CHST11: variants seen among roughly 807,000 people sequenced by gnomAD.
CHST11 encodes carbohydrate sulfotransferase 11, also known as C4S-1.
Under a neutral mutation model 30.4 loss-of-function variants are expected in CHST11, and 9 were observed. The ratio of observed to expected loss-of-function variants is 0.30; its 90% CI spans 0.18 to 0.52. CHST11 has a LOEUF of 0.52. CHST11 is among the 20% of genes least tolerant of loss of function. The pLI is 0.97. For missense variants in CHST11, 348 were observed against 460.6 expected, an observed-to-expected ratio of 0.76 and a Z score of 2.24; for synonymous variants, 152 against 187.8, an observed-to-expected ratio of 0.81 and a Z score of 1.56.
intron 1 of CHST11, among the ~76,000 whole-genome samples, chr12:104,522,278 T>A (rs2038081186): frequency 6.6e-6 from 1 of 152,210 alleles, no homozygotes; most frequent in South Asian, 2.1e-4. Context: ...TCAGTATATC[T>A]CACTGAGCCG....
intron 2 of CHST11, among the ~76,000 whole-genome samples, chr12:104,719,552 A>G (rs1333472389): frequency 6.6e-6 from 1 of 152,250 alleles, no homozygotes; most frequent in Non-Finnish European, 1.5e-5. Flanking sequence ...GACTGCAGAC[A>G]CAGCATAACT....
chr12:104,657,357 G>A (rs905210460), intron 2 of CHST11, among the ~76,000 whole-genome samples: 2 of 152,172 alleles, frequency 1.3e-5, no homozygotes, highest in Admixed American at 1.3e-4. Flanking sequence ...GCCTTGCTAT[G>A]TTTAGCTAAT....
intron 2 of CHST11, among the ~76,000 whole-genome samples, chr12:104,688,316 AC>A (rs2136106104): frequency 1.3e-5 from 2 of 151,516 alleles, no homozygotes; most frequent in South Asian, 4.2e-4. Context: ...GACAAGTTGA[AC>A]CTTCACAGCA....
chr12:104,522,292 TA>T (rs2038081440), intron 1 of CHST11, among the ~76,000 whole-genome samples: 2 of 152,318 alleles, frequency 1.3e-5, no homozygotes, highest in African/African-American at 4.8e-5. Context: ...TGAGCCGTGT[TA>T]TTTTTAATCT....
chr12:104,479,846 G>A (rs1480931399), intron 1 of CHST11, among the ~76,000 whole-genome samples: 1 of 152,178 alleles, frequency 6.6e-6, no homozygotes, highest in Non-Finnish European at 1.5e-5. Context: ...CATGCCACTT[G>A]TTGAAGATGG....
In CHST11 at chr12:104,757,880, G is replaced by A; in HGVS notation, c.*77G>A. ...TGTCAAAAGAATTATATGGATATTG[G>A]GTTATTTTGTAAATTAATATTTCTT... On this transcript the variant is annotated 3_prime_UTR_variant, in exon 3 of 3. Coordinates refer to ENST00000303694, the MANE Select transcript of CHST11 (RefSeq NM_018413.6). The surrounding 1 kb of genome is among the most constrained non-coding windows in gnomAD (Gnocchi z 6.5). The A allele has an allele frequency of 7.3e-7, 1 of 1,368,290 alleles. No homozygotes were observed. Among genetic ancestry groups the A allele is most frequent in the Non-Finnish European group, 9.9e-7 (1 of 1,007,000 alleles). The allele number at this position is 1,368,290 out of a possible 1,614,324, so 84.8% of individuals were successfully genotyped here.
rs549320182 is a variant in CHST11 at position 104,725,053 on chromosome 12, G to C, written c.205-31896G>C. Among the ~76,000 whole-genome samples the C allele has an allele frequency of 2.6e-5, 4 of 152,200 alleles. No homozygotes were observed. The East Asian group carries it at 7.7e-4, about 29-fold the overall frequency. ...TAGAGTGTCAGCCTTGCGAGCCCCAGTTCTGGTATGGACTCTTCTAAGCCC... is the reference window on the plus strand; with the variant it reads ...TAGAGTGTCAGCCTTGCGAGCCCCACTTCTGGTATGGACTCTTCTAAGCCC... On this transcript the variant is annotated intron_variant, in intron 2 of 2. Transcript: ENST00000303694.
intron 2 of CHST11, among the ~76,000 whole-genome samples, chr12:104,650,906 C>T (rs1283205598): frequency 6.6e-6 from 1 of 152,166 alleles, no homozygotes; most frequent in African/African-American, 2.4e-5. Context: ...TTGCATCCTG[C>T]CCTCTGTGAT....
At chr12:104,515,909 A>G (rs1019530561) in intron 1 of CHST11, among the ~76,000 whole-genome samples, 1 of 152,234 alleles carries the variant, frequency 6.6e-6, no homozygotes, top group African/African-American at 2.4e-5. Flanking sequence ...AGCAATGTGC[A>G]TAGAGCATTT....
At chr12:104,597,382 G>C (rs1197241262) in intron 1 of CHST11, among the ~76,000 whole-genome samples, 1 of 152,162 alleles carries the variant, frequency 6.6e-6, no homozygotes, top group Non-Finnish European at 1.5e-5. Context: ...CCCAGTGGGC[G>C]GGGTGGACAG....
At chr12:104,642,887 A>G (rs2696004) in intron 2 of CHST11, among the ~76,000 whole-genome samples, 97,755 of 151,986 alleles carry the variant, frequency 0.64, 31,985 homozygotes, top group East Asian at 0.77. Context: ...GCAACTAGAT[A>G]TGTAGTCAAG....
chr12:104,464,535 G>A (rs1298102260), intron 1 of CHST11, among the ~76,000 whole-genome samples: 1 of 151,992 alleles, frequency 6.6e-6, no homozygotes, highest in Non-Finnish European at 1.5e-5. Context: ...ACAGGGCCTT[G>A]CTCTATTGCC....
At chr12:104,652,337 G>T (rs1475450785) in intron 2 of CHST11, among the ~76,000 whole-genome samples, 1 of 152,216 alleles carries the variant, frequency 6.6e-6, no homozygotes, top group Non-Finnish European at 1.5e-5. Context: ...AAGGAAAGCA[G>T]CTCCCCGATG....
intron 1 of CHST11, among the ~76,000 whole-genome samples, chr12:104,583,609 C>T (rs1019418535): frequency 6.6e-6 from 1 of 152,236 alleles, no homozygotes. Flanking sequence ...TCCCTTACCC[C>T]TTCAGCACTT....
chr12:104,705,425 C>A (rs1256369079), intron 2 of CHST11, among the ~76,000 whole-genome samples: 1 of 152,078 alleles, frequency 6.6e-6, no homozygotes, highest in Admixed American at 6.5e-5. Flanking sequence ...ACATCCCAGG[C>A]GCCTGGTAAA....
chr12:104,667,049 A>G (rs1323129681), intron 2 of CHST11, among the ~76,000 whole-genome samples: 1 of 152,186 alleles, frequency 6.6e-6, no homozygotes, highest in African/African-American at 2.4e-5. Flanking sequence ...TCATGAACAT[A>G]GTCATTCATT....
intron 1 of CHST11, among the ~76,000 whole-genome samples, chr12:104,462,255 G>A (rs1040223193): frequency 3.4e-5 from 5 of 146,530 alleles, no homozygotes; most frequent in South Asian, 2.2e-4. Context: ...ACCACCAAGA[G>A]GCAACTGGTA....
chr12:104,694,127 A>G (rs966516119), intron 2 of CHST11, among the ~76,000 whole-genome samples: 13 of 152,148 alleles, frequency 8.5e-5, no homozygotes, highest in Admixed American at 2.6e-4. Flanking sequence ...TGGCATATCT[A>G]TTCATCAGAA....
At chr12:104,625,543 G>A (rs181803229) in intron 2 of CHST11, among the ~76,000 whole-genome samples, 33 of 152,298 alleles carry the variant, frequency 2.2e-4, no homozygotes, top group Non-Finnish European at 3.8e-4. Context: ...GACCTCAGGC[G>A]ATCCGCCCGC....
Sources: allele counts gnomAD v4.1 joint callset (sites outside exome capture counted in the v4.1 genomes callset), GRCh38; gene constraint gnomAD v4.1.1; non-coding constraint Gnocchi (gnomAD v3.1); transcripts MANE v1.5; gene names NCBI Gene and HGNC (gene_info 2026-07-23, HGNC 2026-07-21).